The following USH2A variants were observed in gnomAD, a reference collection of about 807,000 sequenced individuals.
USH2A encodes the protein usherin.
A neutral mutation model predicts 538.9 loss-of-function variants in USH2A; 443 were observed. The observed-to-expected ratio is 0.82, with a 90% CI of 0.76 to 0.89. USH2A has a LOEUF of 0.89. Among genes scored for constraint, USH2A ranks in the 40% least tolerant of loss-of-function variants. The pLI is 0.00. For synonymous variants in USH2A, 2,413 were observed against 2,273.5 expected (o/e 1.06, Z -1.75); for missense variants, 6,633 against 6,324.8 (o/e 1.05, Z -1.65).
intron 9 of USH2A, among the ~76,000 whole-genome samples, chr1:216,308,073 G>C (rs2037350770): frequency 6.6e-6 from 1 of 152,136 alleles, no homozygotes; most frequent in South Asian, 2.1e-4. Flanking sequence ...GTCCGAGGGG[G>C]AGCTGCAAGT....
At chr1:215,652,407 G>T (rs980916046) in intron 64 of USH2A, among the ~76,000 whole-genome samples, 1 of 152,208 alleles carries the variant, frequency 6.6e-6, no homozygotes, top group Non-Finnish European at 1.5e-5. Flanking sequence ...TTAGGTTAAG[G>T]TGTCTTAGCT....
At chr1:215,844,604 C>G (rs1201421365) in intron 45 of USH2A, 108 bp from the exon 46 acceptor site, 5 of 1,110,096 alleles carry the variant, frequency 4.5e-6, no homozygotes, top group Non-Finnish European at 6.6e-6. Context: ...CCTCGCTTAT[C>G]TGCTTTTCGC....
chr1:216,098,086 G>C (rs906810178), intron 21 of USH2A, among the ~76,000 whole-genome samples: 4 of 150,886 alleles, frequency 2.7e-5, no homozygotes, highest in Non-Finnish European at 5.9e-5. Flanking sequence ...CCCATCTCCA[G>C]TCCTATGAAT....
chr1:216,164,133 C>A (rs114273466), intron 21 of USH2A, among the ~76,000 whole-genome samples: 46 of 152,050 alleles, frequency 3.0e-4, no homozygotes, highest in African/African-American at 1.0e-3. Flanking sequence ...ATCCTTTTTA[C>A]GACAGCAATC....
chr1:215,807,236 C>A (rs1662529868), intron 49 of USH2A, among the ~76,000 whole-genome samples: 1 of 152,128 alleles, frequency 6.6e-6, no homozygotes, highest in South Asian at 2.1e-4. Flanking sequence ...GGGAATGCAG[C>A]TCTTGTTAAC....
intron 69 of USH2A, among the ~76,000 whole-genome samples, chr1:215,636,182 CT>C (rs1656478021): frequency 6.6e-6 from 1 of 152,206 alleles, no homozygotes; most frequent in African/African-American, 2.4e-5. Context: ...AAATCTCCCC[CT>C]TTTCAACACC....
At chr1:216,353,980 A>T (rs898728270) in intron 4 of USH2A, among the ~76,000 whole-genome samples, 1 of 152,168 alleles carries the variant, frequency 6.6e-6, no homozygotes, top group Non-Finnish European at 1.5e-5. Context: ...CTCAGAGGTA[A>T]GAAATAGAGG....
Position 215,878,977 on chromosome 1 carries a change from T to G in USH2A, c.8345A>C (p.His2782Pro), listed in dbSNP as rs1178340017. 1 of 1,614,064 alleles carries G rather than the reference T, an allele frequency of 6.2e-7. No homozygotes were observed. Among genetic ancestry groups the G allele is most frequent in the Non-Finnish European group, 8.5e-7 (1 of 1,179,966 alleles). Reference sequence around the variant, plus strand: ...AGAATAATTAGTGAAAGGAATCAGATGAGTAACTTTTTGACTTAACACTGC... The same window carrying G: ...AGAATAATTAGTGAAAGGAATCAGAGGAGTAACTTTTTGACTTAACACTGC... ...TSAVLSQKVT[H>P]LIPFTNYSVT... The change falls in exon 42 of 72, where the codon CAT becomes CCT. Residue 2782 changes from histidine to proline, a missense_variant. Physicochemically the swap from His to Pro is moderately conservative, Grantham distance 77. Transcript: ENST00000307340.
intron 67 of USH2A, among the ~76,000 whole-genome samples, chr1:215,646,891 G>C (rs1012426389): frequency 1.3e-5 from 2 of 152,158 alleles, no homozygotes; most frequent in African/African-American, 4.8e-5. Context: ...AATAACCATT[G>C]TGTTACAATT....
chr1:216,129,950 C>T (rs1454862868), intron 21 of USH2A, among the ~76,000 whole-genome samples: 1 of 151,870 alleles, frequency 6.6e-6, no homozygotes, highest in East Asian at 1.9e-4. Context: ...AACAACATAC[C>T]TTAGGGAGAA....
chr1:215,932,079 A>G (rs1666378602), intron 38 of USH2A, among the ~76,000 whole-genome samples: 1 of 152,018 alleles, frequency 6.6e-6, no homozygotes, highest in Admixed American at 6.6e-5. Flanking sequence ...AAAAGTATGC[A>G]AAAGAAGCAT....
intron 43 of USH2A, among the ~76,000 whole-genome samples, chr1:215,872,816 G>C (rs1664658041): frequency 6.6e-6 from 1 of 151,828 alleles, no homozygotes; most frequent in South Asian, 2.1e-4. Flanking sequence ...TATTAGCTCA[G>C]GGGAGAGCTG....
intron 58 of USH2A, among the ~76,000 whole-genome samples, chr1:215,757,698 T>G (rs984453195): frequency 1.3e-5 from 2 of 152,184 alleles, no homozygotes; most frequent in African/African-American, 4.8e-5. Flanking sequence ...GCAGTCAGGA[T>G]TTTACCTGAG....
At chr1:216,052,807 G>T (rs527645051) in intron 30 of USH2A, among the ~76,000 whole-genome samples, 18 of 152,272 alleles carry the variant, frequency 1.2e-4, no homozygotes, top group African/African-American at 4.3e-4. Flanking sequence ...CACCAGGATG[G>T]ATTCAAGTTG....
At chr1:215,731,367 A>G (rs1659990794) in intron 60 of USH2A, among the ~76,000 whole-genome samples, 1 of 152,224 alleles carries the variant, frequency 6.6e-6, no homozygotes. Context: ...GTCTGAATAC[A>G]TTTAGAGCAG....
At chr1:215,788,596 C>T (rs1661870933) in intron 51 of USH2A, among the ~76,000 whole-genome samples, 1 of 152,080 alleles carries the variant, frequency 6.6e-6, no homozygotes, top group South Asian at 2.1e-4. Flanking sequence ...ATCCTAACTT[C>T]CACATAGAGG....
intron 26 of USH2A, among the ~76,000 whole-genome samples, chr1:216,081,076 T>A (rs1348666735): frequency 6.6e-6 from 1 of 152,144 alleles, no homozygotes; most frequent in East Asian, 1.9e-4. Context: ...ATACCCGTAT[T>A]AGTTTTCCTA....
At chr1:215,928,380 C>T (rs1233494063) in intron 38 of USH2A, among the ~76,000 whole-genome samples, 1 of 151,718 alleles carries the variant, frequency 6.6e-6, no homozygotes, top group Non-Finnish European at 1.5e-5. Context: ...TAGTAAACTG[C>T]TTTCTTCATT....
At chr1:216,316,242 T>C (rs1385396283) in intron 9 of USH2A, among the ~76,000 whole-genome samples, 2 of 152,146 alleles carry the variant, frequency 1.3e-5, no homozygotes, top group East Asian at 1.9e-4. Flanking sequence ...GAGTAAACAG[T>C]GTCTTTGCTA....
Sources: gnomAD v4.1 joint callset for allele counts (sites outside exome capture counted in the v4.1 genomes callset) on GRCh38, gnomAD v4.1.1 for gene constraint, MANE v1.5 for transcripts, NCBI Gene and HGNC (gene_info 2026-07-23, HGNC 2026-07-21) for gene names.